The following PPM1L variants were observed in gnomAD, a reference collection of about 807,000 sequenced individuals.
PPM1L encodes protein phosphatase, Mg2+/Mn2+ dependent 1L, also known as protein phosphatase 1L.
Under a neutral mutation model 31.4 loss-of-function variants are expected in PPM1L, and 13 were observed. The observed-to-expected ratio is 0.41, with a 90% CI of 0.27 to 0.66. The LOEUF (loss-of-function observed/expected upper bound fraction) is 0.66. Ranked by LOEUF, PPM1L falls within the 30% of genes least tolerant of loss-of-function variation. The pLI, the probability that PPM1L is intolerant of heterozygous loss-of-function variation, is 0.29. For synonymous variants in PPM1L, 184 were observed against 175.4 expected (o/e 1.05, Z -0.39); for missense variants, 326 against 453.7 (o/e 0.72, Z 2.56).
intron 2 of PPM1L, chr3:161,022,314 A>T (rs1314927603): frequency 2.3e-6 from 1 of 435,120 alleles, no homozygotes; most frequent in African/African-American, 2.0e-5. Context: ...ACCAAATTAT[A>T]TGCTTATACA....
At chr3:161,006,190 G>C (rs1047508717) in intron 2 of PPM1L, among the ~76,000 whole-genome samples, 1 of 152,164 alleles carries the variant, frequency 6.6e-6, no homozygotes, top group Non-Finnish European at 1.5e-5. Context: ...AAGAAATCTT[G>C]TTAAATGCTG....
chr3:160,834,471 ATGTGTGTGTG>A (rs150328470), intron 1 of PPM1L, among the ~76,000 whole-genome samples: 24,158 of 138,950 alleles, frequency 0.17, 4,041 homozygotes, highest in African/African-American at 0.46. Context: ...GTGTATGTGT[ATGTGTGTGTG>A]TGTGTGTGTG....
chr3:160,988,906 A>G (rs561782514), intron 2 of PPM1L, among the ~76,000 whole-genome samples: 1 of 152,308 alleles, frequency 6.6e-6, no homozygotes, highest in Admixed American at 6.5e-5. Flanking sequence ...CTCATGAGCA[A>G]TAGATTTTAA....
At chr3:160,967,074 G>A (rs1007513989) in intron 2 of PPM1L, among the ~76,000 whole-genome samples, 3 of 151,924 alleles carry the variant, frequency 2.0e-5, no homozygotes, top group Non-Finnish European at 2.9e-5. Context: ...ATGGGGGTGG[G>A]TTTTTCCTGT....
At chr3:160,766,197 GC>G (rs200616318) in intron 1 of PPM1L, among the ~76,000 whole-genome samples, 2,010 of 152,010 alleles carry the variant, frequency 0.013, 17 homozygotes, top group Admixed American at 0.02. Context: ...ATTTATATAG[GC>G]AAAAATCATG....
intron 2 of PPM1L, 66 bp from the exon 3 acceptor site, chr3:161,065,337 A>C (rs1211169481): frequency 6.6e-7 from 1 of 1,509,562 alleles, no homozygotes; most frequent in African/African-American, 1.4e-5. Context: ...TCCAGTTACC[A>C]CAAGAAGCAA....
At chr3:160,893,884 G>C (rs1463496353) in intron 1 of PPM1L, among the ~76,000 whole-genome samples, 6 of 152,074 alleles carry the variant, frequency 3.9e-5, no homozygotes, top group Non-Finnish European at 8.8e-5. Context: ...TTCAAATTTT[G>C]AATTTTGATT....
chr3:161,070,076 G>A lies in PPM1L; in HGVS notation c.*919G>A, dbSNP rs1719861327. Reference sequence around the variant, plus strand: ...TACTGAATGAGTCACAGTGTTCCCTGGCAAGTAAGCTGTTTGCATTGAGAA... The same window carrying A: ...TACTGAATGAGTCACAGTGTTCCCTAGCAAGTAAGCTGTTTGCATTGAGAA... On this transcript the variant is annotated 3_prime_UTR_variant, in exon 4 of 4. Transcript: ENST00000498165. The A allele has an allele frequency of 2.0e-5, 3 of 152,170 alleles. No individual in the cohort carries two copies. Among genetic ancestry groups the A allele is most frequent in the Admixed American group, 1.3e-4 (2 of 15,276 alleles). The allele number at this position is 152,170 out of a possible 1,614,324, so 9.4% of individuals were successfully genotyped here.
Position 160,756,572 on chromosome 3 carries a change from C to T in PPM1L, c.264C>T (p.Phe88=). ...CCGAGTTTTCCAAGACCTGGGAGTTCAAGAACCACAACGTGGCGGTGTACT... is the reference window on the plus strand; with the variant it reads ...CCGAGTTTTCCAAGACCTGGGAGTTTAAGAACCACAACGTGGCGGTGTACT... ...LEAEFSKTWE[F]KNHNVAVYSI... is the part of the protein sequence containing the mutation. Residue 88 remains phenylalanine (F), a synonymous_variant, in exon 1 of 4, where the codon TTC becomes TTT. Transcript: ENST00000498165. This position sits in a 1 kb window ranked among gnomAD's most constrained non-coding sequence, Gnocchi z 6.2. The T allele has an allele frequency of 6.2e-7, 1 of 1,614,100 alleles. No homozygotes were observed. The highest frequency in any genetic ancestry group is 8.5e-7 in the Non-Finnish European group (1 of 1,180,014).
At chr3:160,796,524 C>T (rs1310503015) in intron 1 of PPM1L, among the ~76,000 whole-genome samples, 1 of 152,218 alleles carries the variant, frequency 6.6e-6, no homozygotes, top group Non-Finnish European at 1.5e-5. Flanking sequence ...ATAAGGATGT[C>T]AGTGGTGCAA....
At chr3:160,875,009 C>CT (rs1252953497) in intron 1 of PPM1L, among the ~76,000 whole-genome samples, 1 of 152,186 alleles carries the variant, frequency 6.6e-6, no homozygotes, top group East Asian at 1.9e-4. Flanking sequence ...GAAATAAACT[C>CT]TGAGCCCTTC....
rs1482369746 is a variant in PPM1L, at chr3:160,952,391, G to A, written c.400-9345G>A. Reference sequence around the variant, plus strand: ...TTTCAAGGGCAGGGAAACCTTGCCTGCAATAAAATATTACTCCCTTCTCTC... The same window carrying A: ...TTTCAAGGGCAGGGAAACCTTGCCTACAATAAAATATTACTCCCTTCTCTC... On this transcript the variant is annotated intron_variant, in intron 1 of 3. Transcript: ENST00000498165. Among the ~76,000 whole-genome samples, 3 of 152,294 alleles carry A rather than the reference G, an allele frequency of 2.0e-5. No homozygotes were observed. In the East Asian group the frequency reaches 5.8e-4, roughly 29 times the overall value.
intron 1 of PPM1L, among the ~76,000 whole-genome samples, chr3:160,929,731 A>G (rs1168330804): frequency 6.6e-6 from 1 of 152,222 alleles, no homozygotes; most frequent in Non-Finnish European, 1.5e-5. Context: ...TGCTCCAGGC[A>G]GTCCTCTGGC....
At chr3:160,875,721 A>G (rs532056434) in intron 1 of PPM1L, among the ~76,000 whole-genome samples, 2 of 152,318 alleles carry the variant, frequency 1.3e-5, no homozygotes, top group South Asian at 4.1e-4. Flanking sequence ...TTTATAGGTG[A>G]AGAAACACAT....
chr3:160,884,361 C>T (rs1307764322), intron 1 of PPM1L, among the ~76,000 whole-genome samples: 1 of 151,958 alleles, frequency 6.6e-6, no homozygotes, highest in Non-Finnish European at 1.5e-5. Flanking sequence ...AGAGTGCATT[C>T]CAGGTATTAA....
chr3:160,990,839 A>G (rs749311716), intron 2 of PPM1L, among the ~76,000 whole-genome samples: 2 of 152,240 alleles, frequency 1.3e-5, no homozygotes, highest in Non-Finnish European at 2.9e-5. Context: ...TCTCTTTTGT[A>G]GGACTGTCTA....
At chr3:160,794,872 G>A (rs77805042) in intron 1 of PPM1L, among the ~76,000 whole-genome samples, 19 of 152,306 alleles carry the variant, frequency 1.2e-4, no homozygotes, top group African/African-American at 4.6e-4. Context: ...GCTGCATGTG[G>A]CCCACGGGTA....
chr3:160,908,946 G>A (rs1036041319), intron 1 of PPM1L, among the ~76,000 whole-genome samples: 1 of 152,088 alleles, frequency 6.6e-6, no homozygotes, highest in African/African-American at 2.4e-5. Flanking sequence ...CAAATATGAA[G>A]GTGGGGTAAG....
chr3:160,946,244 C>T (rs1002033868), intron 1 of PPM1L, among the ~76,000 whole-genome samples: 1 of 152,144 alleles, frequency 6.6e-6, no homozygotes, highest in Non-Finnish European at 1.5e-5. Flanking sequence ...AAACCATAGA[C>T]TTTACCAAAG....
Sources: gnomAD v4.1 joint callset for allele counts (sites outside exome capture counted in the v4.1 genomes callset) on GRCh38, gnomAD v4.1.1 for gene constraint, Gnocchi (gnomAD v3.1) non-coding constraint, MANE v1.5 for transcripts, NCBI Gene and HGNC (gene_info 2026-07-23, HGNC 2026-07-21) for gene names.